Variants in UNC5D observed in about 807,000 individuals in gnomAD.
UNC5D encodes netrin receptor UNC5D.
Under a neutral mutation model 105.4 loss-of-function variants are expected in UNC5D, and 39 were observed. That is an observed-to-expected ratio of 0.37 (90% CI 0.29 to 0.48). The LOEUF is 0.48. UNC5D is among the 20% of genes least tolerant of loss of function. The pLI is 0.98. For missense variants in UNC5D, 991 were observed against 1,202.4 expected (o/e 0.82, Z 2.60); for synonymous variants, 452 against 450.4 (o/e 1.00, Z -0.04).
chr8:35,739,337 G>C (rs1472014642), intron 11 of UNC5D, among the ~76,000 whole-genome samples: 2 of 152,032 alleles, frequency 1.3e-5, no homozygotes, highest in Admixed American at 1.3e-4. Flanking sequence ...GATAGAAAAG[G>C]GGGAGAGGAA....
chr8:35,713,258 G>C (rs908890375), intron 8 of UNC5D, among the ~76,000 whole-genome samples: 1 of 152,158 alleles, frequency 6.6e-6, no homozygotes, highest in Non-Finnish European at 1.5e-5. Flanking sequence ...TAACTTGGGT[G>C]CTTGTTAAAA....
At chr8:35,326,403 G>C (rs367687247) in intron 1 of UNC5D, among the ~76,000 whole-genome samples, 9 of 152,290 alleles carry the variant, frequency 5.9e-5, no homozygotes, top group African/African-American at 2.2e-4. Context: ...GGAAGGCCCA[G>C]CTGGCAGTAA....
intron 1 of UNC5D, among the ~76,000 whole-genome samples, chr8:35,340,271 C>T (rs546783549): frequency 5.3e-5 from 8 of 152,198 alleles, no homozygotes; most frequent in Admixed American, 1.3e-4. Context: ...CAGGAATACA[C>T]GACTGTAAAC....
At chr8:35,772,104 C>T (rs963234588) in intron 15 of UNC5D, among the ~76,000 whole-genome samples, 1 of 152,046 alleles carries the variant, frequency 6.6e-6, no homozygotes, top group Non-Finnish European at 1.5e-5. Flanking sequence ...ATTCCAGGAA[C>T]ATAACTAAAA....
chr8:35,755,277 T>A (rs940603565), intron 13 of UNC5D, among the ~76,000 whole-genome samples: 3 of 151,552 alleles, frequency 2.0e-5, no homozygotes, highest in Admixed American at 6.6e-5. Context: ...ACAACTAGGG[T>A]TTTTTTTGCC....
At chr8:35,400,258 T>G (rs1804372789) in intron 1 of UNC5D, among the ~76,000 whole-genome samples, 1 of 152,160 alleles carries the variant, frequency 6.6e-6, no homozygotes, top group Admixed American at 6.5e-5. Context: ...GCTGATATAT[T>G]GGGAAAATTA....
chr8:35,294,390 G>A (rs1375941789), intron 1 of UNC5D, among the ~76,000 whole-genome samples: 1 of 152,000 alleles, frequency 6.6e-6, no homozygotes, highest in Non-Finnish European at 1.5e-5. Flanking sequence ...ATGCTTATCT[G>A]CTGCCTCTTA....
intron 11 of UNC5D, among the ~76,000 whole-genome samples, chr8:35,740,909 T>A (rs1829724711): frequency 6.6e-6 from 1 of 152,156 alleles, no homozygotes; most frequent in Non-Finnish European, 1.5e-5. Flanking sequence ...AGGTTTCAGA[T>A]TACCTCCAGA....
intron 1 of UNC5D, among the ~76,000 whole-genome samples, chr8:35,364,200 CATT>C (rs752655391): frequency 1.6e-4 from 25 of 152,108 alleles, no homozygotes; most frequent in Admixed American, 5.2e-4. Flanking sequence ...AATAAATTTT[CATT>C]ATTCTTTCTA....
chr8:35,646,106 G>A (rs138125641), intron 4 of UNC5D, among the ~76,000 whole-genome samples: 11 of 152,118 alleles, frequency 7.2e-5, no homozygotes, highest in Admixed American at 5.9e-4. Flanking sequence ...ATATAATGTA[G>A]CTCATTGGCA....
chr8:35,354,211 T>C (rs181063433), intron 1 of UNC5D, among the ~76,000 whole-genome samples: 2 of 152,268 alleles, frequency 1.3e-5, no homozygotes, highest in Admixed American at 6.5e-5. Flanking sequence ...CCAGTACGAA[T>C]AAGATGAAAT....
chr8:35,613,350 G>A (rs1380279007), intron 4 of UNC5D, among the ~76,000 whole-genome samples: 1 of 152,202 alleles, frequency 6.6e-6, no homozygotes, highest in African/African-American at 2.4e-5. Context: ...GCTGGGATTA[G>A]AGACCTGAGC....
rs139614289 is a variant in UNC5D, at chr8:35,665,576, T to C, written c.571-17971T>C. Reference sequence around the variant, plus strand: ...CCTCCCATTTCATTCTCCAGTTTCATTTCATCTTCCAGTTTTATTTTCAAC... The same window carrying C: ...CCTCCCATTTCATTCTCCAGTTTCACTTCATCTTCCAGTTTTATTTTCAAC... On this transcript the variant is annotated intron_variant, in intron 4 of 16. Transcript: ENST00000404895. 1.3e-3 allele frequency among the ~76,000 whole-genome samples: 193 copies of C among 152,244 alleles called. 1 individual carries two copies. The highest frequency in any genetic ancestry group is 4.5e-3 in the African/African-American group (186 of 41,538).
At chr8:35,552,846 G>A (rs1816266656) in intron 2 of UNC5D, among the ~76,000 whole-genome samples, 1 of 152,154 alleles carries the variant, frequency 6.6e-6, no homozygotes, top group South Asian at 2.1e-4. Context: ...TTCAAAGGAA[G>A]ACAGTGGAAT....
chr8:35,268,982 T>A (rs1254067781), intron 1 of UNC5D, among the ~76,000 whole-genome samples: 1 of 152,172 alleles, frequency 6.6e-6, no homozygotes, highest in African/African-American at 2.4e-5. Flanking sequence ...CACGAATTCA[T>A]GAAACAGTAT....
chr8:35,684,864 T>C, intron 6 of UNC5D, 115 bp downstream of exon 6: 12 of 1,311,648 alleles, frequency 9.1e-6, no homozygotes, highest in South Asian at 1.8e-5. Flanking sequence ...GTTCTTAGAA[T>C]AGAACATTTA....
rs369036757 is a variant in UNC5D, at chr8:35,399,832, G to A, written c.104-149460G>A. On this transcript the variant is annotated intron_variant, in intron 1 of 16. Coordinates refer to ENST00000404895, the MANE Select transcript of UNC5D (RefSeq NM_080872.4). ...TATAAGGATGAAAGATGAAATACTC[G>A]ATGTTTTCTGAAGCCCCTGTGGCCA... is the stretch of plus-strand genomic sequence containing the variant. Among the ~76,000 whole-genome samples, 23 of 152,094 alleles carry A rather than the reference G, an allele frequency of 1.5e-4. No individual in the cohort carries two copies. In the South Asian group the frequency reaches 2.5e-3, roughly 16 times the overall value.
chr8:35,392,739 G>A (rs1226921920), intron 1 of UNC5D, among the ~76,000 whole-genome samples: 3 of 152,144 alleles, frequency 2.0e-5, no homozygotes, highest in African/African-American at 7.2e-5. Flanking sequence ...ACTTGGTGGG[G>A]GTAAAGGGGT....
chr8:35,446,229 A>C (rs1045784213), intron 1 of UNC5D, among the ~76,000 whole-genome samples: 1 of 151,772 alleles, frequency 6.6e-6, no homozygotes, highest in Admixed American at 6.6e-5. Context: ...GATTCCCTGC[A>C]TTTCCAACAT....
Sources: gnomAD v4.1 joint callset for allele counts (sites outside exome capture counted in the v4.1 genomes callset) on GRCh38, gnomAD v4.1.1 for gene constraint, MANE v1.5 for transcripts, NCBI Gene and HGNC (gene_info 2026-07-23, HGNC 2026-07-21) for gene names.